The following HS6ST3 variants were observed in gnomAD, a reference collection of about 807,000 sequenced individuals.
The protein encoded by HS6ST3 is heparan-sulfate 6-O-sulfotransferase 3.
HS6ST3 carries 12 observed loss-of-function variants against 36.7 expected under a neutral mutation model. That is an observed-to-expected ratio of 0.33 (90% confidence interval 0.21 to 0.53). The LOEUF is 0.53. Ranked by LOEUF, HS6ST3 falls within the 20% of genes least tolerant of loss-of-function variation. The pLI, the probability that HS6ST3 is intolerant of heterozygous loss-of-function variation, is 0.95. For missense variants in HS6ST3, 584 were observed against 640.9 expected, an observed-to-expected ratio of 0.91 and a Z score of 0.96; for synonymous variants, 240 against 257.5, an observed-to-expected ratio of 0.93 and a Z score of 0.65.
Position 96,761,517 on chromosome 13 carries a change from T to G in HS6ST3, c.708-70973T>G, listed in dbSNP as rs187954446. On this transcript the variant is annotated intron_variant, in intron 1 of 1. Coordinates refer to ENST00000376705, the MANE Select transcript of HS6ST3 (RefSeq NM_153456.4). ...ATCTACCACCCAGAATGAGCAACTG[T>G]TTTAATTTATTTCAGGTGATTACTT... 1.6e-3 allele frequency among the ~76,000 whole-genome samples: 249 copies of G among 152,078 alleles called. 1 individual carries two copies. Among genetic ancestry groups the G allele is most frequent in the African/African-American group, 5.5e-3 (228 of 41,496 alleles).
chr13:96,574,404 G>A, intron 1 of HS6ST3: 1 of 521,358 alleles, frequency 1.9e-6, no homozygotes, highest in Non-Finnish European at 3.4e-6. Context: ...AGTTACTAAA[G>A]TGAGAAGGTG....
chr13:96,305,590 CT>C (rs1364514044), intron 1 of HS6ST3, among the ~76,000 whole-genome samples: 2 of 152,092 alleles, frequency 1.3e-5, no homozygotes, highest in Non-Finnish European at 2.9e-5. Context: ...ACATTATTAT[CT>C]TCACATAAAT....
At chr13:96,429,850 A>C (rs1399079404) in intron 1 of HS6ST3, among the ~76,000 whole-genome samples, 1 of 152,190 alleles carries the variant, frequency 6.6e-6, no homozygotes, top group African/African-American at 2.4e-5. Flanking sequence ...AAAAGCATGA[A>C]TTATTTGACA....
chr13:96,172,891 A>G (rs1029470218), intron 1 of HS6ST3, among the ~76,000 whole-genome samples: 3 of 152,210 alleles, frequency 2.0e-5, no homozygotes, highest in African/African-American at 7.2e-5. Flanking sequence ...CTTTTTGCCA[A>G]AGTGCCAAGA....
At chr13:96,730,560 T>A (rs913124288) in intron 1 of HS6ST3, among the ~76,000 whole-genome samples, 1 of 152,106 alleles carries the variant, frequency 6.6e-6, no homozygotes, top group Non-Finnish European at 1.5e-5. Flanking sequence ...TGTGTATTTA[T>A]CATGTACAAT....
chr13:96,179,171 G>A (rs1166991876), intron 1 of HS6ST3, among the ~76,000 whole-genome samples: 1 of 152,200 alleles, frequency 6.6e-6, no homozygotes, highest in Non-Finnish European at 1.5e-5. Flanking sequence ...AGAGAGTTGA[G>A]TGTGAGTGTG....
intron 1 of HS6ST3, among the ~76,000 whole-genome samples, chr13:96,561,622 C>T (rs1305993138): frequency 6.6e-6 from 1 of 151,970 alleles, no homozygotes; most frequent in Non-Finnish European, 1.5e-5. Flanking sequence ...GGAAAAAACA[C>T]TGAGAAACTA....
intron 1 of HS6ST3, among the ~76,000 whole-genome samples, chr13:96,355,429 G>A (rs2055205811): frequency 6.9e-6 from 1 of 145,978 alleles, no homozygotes; most frequent in African/African-American, 2.5e-5. Context: ...ACACACAGAG[G>A]CATAGATGAT....
intron 1 of HS6ST3, among the ~76,000 whole-genome samples, chr13:96,288,900 A>G (rs1172565900): frequency 6.6e-6 from 1 of 152,072 alleles, no homozygotes; most frequent in Non-Finnish European, 1.5e-5. Flanking sequence ...GATTTCTTAC[A>G]TATCTAGAAA....
rs113254011 is a variant in HS6ST3, at chr13:96,552,197, A to G, written c.708-280293A>G. ...GCAATTACACCTATTACAGAAGTAC[A>G]GAGGCTTAGGATGATATTTTTAATG... On this transcript the variant is annotated intron_variant, in intron 1 of 1. Transcript: ENST00000376705. Among the ~76,000 whole-genome samples, 1,418 of 152,332 alleles carry G rather than the reference A, an allele frequency of 9.3e-3. 17 individuals are homozygous for G. The highest frequency in any genetic ancestry group is 0.031 in the African/African-American group (1,271 of 41,562).
intron 1 of HS6ST3, among the ~76,000 whole-genome samples, chr13:96,619,480 T>C (rs2056486431): frequency 6.6e-6 from 1 of 152,228 alleles, no homozygotes; most frequent in Admixed American, 6.5e-5. Flanking sequence ...TTAGGGAAAT[T>C]ACTATCAAGC....
intron 1 of HS6ST3, among the ~76,000 whole-genome samples, chr13:96,415,133 G>A (rs1204668329): frequency 6.6e-6 from 1 of 152,186 alleles, no homozygotes; most frequent in Non-Finnish European, 1.5e-5. Context: ...GTTCTTTGGG[G>A]AATGGGGTGA....
chr13:96,350,920 T>C (rs1237440514), intron 1 of HS6ST3, among the ~76,000 whole-genome samples: 1 of 152,250 alleles, frequency 6.6e-6, no homozygotes, highest in Non-Finnish European at 1.5e-5. Context: ...AAATTGTTTC[T>C]TAACTTAAAT....
At chr13:96,141,815 T>C (rs1290357925) in intron 1 of HS6ST3, among the ~76,000 whole-genome samples, 2 of 152,016 alleles carry the variant, frequency 1.3e-5, no homozygotes, top group African/African-American at 4.8e-5. Context: ...ATGGAAAGAA[T>C]TGTCAACACT....
rs1309969423 is a variant in HS6ST3, at chr13:96,440,502, A to AGGAAAGGAAAGGAAG, written c.707+348947_707+348948insGGGAAAGGAAAGGAA. ...GAGGGGAGGGGAGAGGAGAAAGGAA[A>AGGAAAGGAAAGGAAG]GGAAAGGAAAGGAAAGGAAAGGAAA... is the stretch of plus-strand genomic sequence containing the variant. On this transcript the variant is annotated intron_variant, in intron 1 of 1. Transcript: ENST00000376705. 5.3e-3 allele frequency among the ~76,000 whole-genome samples: 717 copies of AGGAAAGGAAAGGAAG among 136,122 alleles called. 7 individuals carry two copies. Among genetic ancestry groups the AGGAAAGGAAAGGAAG allele is most frequent in the African/African-American group, 0.02 (669 of 33,750 alleles). 89.3% of individuals were successfully genotyped at this position (136,122 alleles called of 152,430 possible). A position where few individuals can be genotyped will look rare whatever the true frequency, so the allele number is the denominator to read the frequency against.
intron 1 of HS6ST3, among the ~76,000 whole-genome samples, chr13:96,217,670 TA>T (rs2054433814): frequency 6.6e-6 from 1 of 152,202 alleles, no homozygotes. Context: ...TTTAGTCAAG[TA>T]GGGCAGGAAT....
chr13:96,119,701 G>A (rs1231199358), intron 1 of HS6ST3, among the ~76,000 whole-genome samples: 1 of 152,118 alleles, frequency 6.6e-6, no homozygotes, highest in East Asian at 1.9e-4. Context: ...GGGCCTGGAG[G>A]CTCCTCTGTC....
intron 1 of HS6ST3, among the ~76,000 whole-genome samples, chr13:96,471,713 G>T (rs2055841158): frequency 6.6e-6 from 1 of 152,126 alleles, no homozygotes; most frequent in African/African-American, 2.4e-5. Context: ...AAGAGCTAAT[G>T]GTCCTTATGG....
At chr13:96,770,407 T>C (rs1031171451) in intron 1 of HS6ST3, among the ~76,000 whole-genome samples, 9 of 152,250 alleles carry the variant, frequency 5.9e-5, no homozygotes, top group African/African-American at 2.2e-4. Context: ...CTTAAATATA[T>C]ATCAGAACTA....
Sources: gnomAD v4.1 joint callset for allele counts (sites outside exome capture counted in the v4.1 genomes callset) on GRCh38, gnomAD v4.1.1 for gene constraint, MANE v1.5 for transcripts, NCBI Gene and HGNC (gene_info 2026-07-23, HGNC 2026-07-21) for gene names.